MTHFD2L: variants seen among roughly 807,000 people sequenced by gnomAD.
MTHFD2L encodes methylenetetrahydrofolate dehydrogenase (NADP+ dependent) 2 like, also known as bifunctional methylenetetrahydrofolate dehydrogenase/cyclohydrolase 2, mitochondrial.
MTHFD2L carries 29 observed loss-of-function variants against 34.9 expected under a neutral mutation model. The observed-to-expected ratio is 0.83, with a 90% CI of 0.62 to 1.13. The LOEUF (loss-of-function observed/expected upper bound fraction) is 1.13, where lower values mean the gene tolerates loss of function less well. MTHFD2L is among the 50% of genes most tolerant of loss of function. MTHFD2L has a pLI of 0.00. For synonymous variants in MTHFD2L, 167 were observed against 155.7 expected, an observed-to-expected ratio of 1.07 and a Z score of -0.54; for missense variants, 481 against 446.5, an observed-to-expected ratio of 1.08 and a Z score of -0.70.
At chr4:74,167,425 C>G (rs1299211781) in intron 1 of MTHFD2L, among the ~76,000 whole-genome samples, 3 of 152,190 alleles carry the variant, frequency 2.0e-5, no homozygotes, top group Admixed American at 6.5e-5. Context: ...ACAAAATTAA[C>G]AATAATTGAC....
intron 3 of MTHFD2L, among the ~76,000 whole-genome samples, chr4:74,188,786 A>ATGGG (rs1731880170): frequency 6.7e-6 from 1 of 150,014 alleles, no homozygotes; most frequent in African/African-American, 2.4e-5. Context: ...ATGTATATAT[A>ATGGG]TATGGGTATA....
At chr4:74,288,906 C>G (rs1186418690) in intron 7 of MTHFD2L, among the ~76,000 whole-genome samples, 1 of 152,108 alleles carries the variant, frequency 6.6e-6, no homozygotes. Context: ...TGTCAGGTCC[C>G]TTTTGTGACT....
chr4:74,134,423 A>G (rs1333947026), intron 1 of MTHFD2L, among the ~76,000 whole-genome samples: 1 of 152,158 alleles, frequency 6.6e-6, no homozygotes. Flanking sequence ...AGTCAAGGTA[A>G]ACATAGGCTT....
At chr4:74,145,140 GACT>G (rs762139841) in intron 1 of MTHFD2L, among the ~76,000 whole-genome samples, 7 of 149,610 alleles carry the variant, frequency 4.7e-5, no homozygotes, top group Non-Finnish European at 8.9e-5. Context: ...TGATAAACTA[GACT>G]ACAGTCAACA....
chr4:74,301,004 G>A (rs1750240550), intron 7 of MTHFD2L, among the ~76,000 whole-genome samples: 1 of 152,062 alleles, frequency 6.6e-6, no homozygotes, highest in African/African-American at 2.4e-5. Context: ...AGCATCTTGA[G>A]AAGTATCGTA....
chr4:74,231,364 A>G (rs908659940), intron 6 of MTHFD2L, among the ~76,000 whole-genome samples: 1 of 152,080 alleles, frequency 6.6e-6, no homozygotes, highest in African/African-American at 2.4e-5. Flanking sequence ...GAGAAGTTCC[A>G]AGGGGTGGGG....
In MTHFD2L at chr4:74,297,398, G is replaced by A. The variant is rs116793180; in HGVS notation, c.932-4299G>A. The stretch of plus-strand genomic sequence containing the variant: ...CCATGTGTCTTCATTAATCTCATAT[G>A]AAAGGGCTGATATCAATCAAGATCT... On this transcript the variant is annotated intron_variant, in intron 7 of 7. Transcript: ENST00000325278. Among the ~76,000 whole-genome samples the A allele has an allele frequency of 9.5e-3, 1,442 of 152,066 alleles. 27 individuals are homozygous for A. Among genetic ancestry groups the A allele is most frequent in the African/African-American group, 0.033 (1,365 of 41,504 alleles).
chr4:74,277,424 T>C (rs1300411374), intron 6 of MTHFD2L, among the ~76,000 whole-genome samples: 2 of 151,954 alleles, frequency 1.3e-5, no homozygotes, highest in African/African-American at 4.8e-5. Flanking sequence ...AGATGCCCCA[T>C]TGTAGTTACT....
upstream of MTHFD2L, among the ~76,000 whole-genome samples, chr4:74,119,438 G>A (rs1721712404): frequency 6.6e-6 from 1 of 152,178 alleles, no homozygotes; most frequent in Non-Finnish European, 1.5e-5. Flanking sequence ...AAGAACCAAT[G>A]ATGAGACAGC....
chr4:74,242,577 T>A (rs1295930986), intron 6 of MTHFD2L, among the ~76,000 whole-genome samples: 5 of 152,212 alleles, frequency 3.3e-5, no homozygotes, highest in African/African-American at 1.2e-4. Flanking sequence ...GATCGTACAA[T>A]AAACTAGCTG....
intron 6 of MTHFD2L, among the ~76,000 whole-genome samples, chr4:74,244,062 TG>T (rs1485714628): frequency 1.3e-5 from 2 of 152,198 alleles, no homozygotes; most frequent in Non-Finnish European, 2.9e-5. Context: ...CCCTGTTTGT[TG>T]GGGGTGGGTT....
rs563203694 is a variant in MTHFD2L at position 74,299,009 on chromosome 4, A to G, written c.932-2688A>G. Among the ~76,000 whole-genome samples the G allele has an allele frequency of 1.4e-3, 214 of 152,118 alleles. 1 individual carries two copies. Among genetic ancestry groups the G allele is most frequent in the African/African-American group, 4.8e-3 (199 of 41,552 alleles). On this transcript the variant is annotated intron_variant, in intron 7 of 7. Transcript: ENST00000325278. Reference sequence around the variant, plus strand: ...ATTAAATATTAATTATTAAAACAGCATAATTCTTGGCAAGTAATTAATAAG... The same window carrying G: ...ATTAAATATTAATTATTAAAACAGCGTAATTCTTGGCAAGTAATTAATAAG...
chr4:74,136,922 A>C (rs952769628), intron 1 of MTHFD2L, among the ~76,000 whole-genome samples: 1 of 152,174 alleles, frequency 6.6e-6, no homozygotes, highest in Admixed American at 6.5e-5. Context: ...CTATATGCAG[A>C]AGAAAGAAAC....
At chr4:74,206,701 G>T (rs1560486554) in intron 5 of MTHFD2L, among the ~76,000 whole-genome samples, 1 of 151,792 alleles carries the variant, frequency 6.6e-6, no homozygotes, top group South Asian at 2.1e-4. Flanking sequence ...CTTTCTTTCA[G>T]AATGAAAACT....
At chr4:74,203,872 A>G (rs1255658812) in intron 5 of MTHFD2L, among the ~76,000 whole-genome samples, 1 of 144,716 alleles carries the variant, frequency 6.9e-6, no homozygotes, top group African/African-American at 2.6e-5. Context: ...CTTCTTGGAA[A>G]ATTTTGACCA....
chr4:74,245,284 T>G (rs1229470637), intron 6 of MTHFD2L, among the ~76,000 whole-genome samples: 1 of 151,714 alleles, frequency 6.6e-6, no homozygotes, highest in Non-Finnish European at 1.5e-5. Flanking sequence ...ATAGTGCCTT[T>G]TATTCTTATT....
At chr4:74,252,464 A>T (rs1743458565) in intron 6 of MTHFD2L, among the ~76,000 whole-genome samples, 1 of 152,178 alleles carries the variant, frequency 6.6e-6, no homozygotes, top group Admixed American at 6.5e-5. Flanking sequence ...AACAAAATGG[A>T]TTTTAAGTAT....
intron 7 of MTHFD2L, among the ~76,000 whole-genome samples, chr4:74,292,841 CTTTT>C (rs1338288299): frequency 6.6e-6 from 1 of 151,644 alleles, no homozygotes; most frequent in African/African-American, 2.4e-5. Context: ...GTAGAAATAT[CTTTT>C]TTATTTTATT....
chr4:74,126,762 A>G (rs1434189095), intron 1 of MTHFD2L, among the ~76,000 whole-genome samples: 1 of 152,050 alleles, frequency 6.6e-6, no homozygotes, highest in Non-Finnish European at 1.5e-5. Context: ...ATTATTGTAT[A>G]CTTTATATTT....
Sources: gnomAD v4.1 joint callset for allele counts (sites outside exome capture counted in the v4.1 genomes callset) on GRCh38, gnomAD v4.1.1 for gene constraint, MANE v1.5 for transcripts, NCBI Gene and HGNC (gene_info 2026-07-23, HGNC 2026-07-21) for gene names.